The following WDFY3 variants were observed in gnomAD, a reference collection of about 807,000 sequenced individuals.
The protein encoded by WDFY3 is WD repeat and FYVE domain-containing protein 3.
A neutral mutation model predicts 409.6 loss-of-function variants in WDFY3; 66 were observed. That is an observed-to-expected ratio of 0.16 (90% CI 0.13 to 0.20). The LOEUF is 0.20. WDFY3 is among the 10% of genes least tolerant of loss of function. WDFY3 has a pLI of 1.00. For missense variants in WDFY3, 3,031 were observed against 4,298.1 expected (o/e 0.71, Z 8.24); for synonymous variants, 1,521 against 1,537.1 (o/e 0.99, Z 0.25).
intron 9 of WDFY3, among the ~76,000 whole-genome samples, chr4:84,827,567 A>G (rs1755036432): frequency 6.6e-6 from 1 of 152,190 alleles, no homozygotes; most frequent in Non-Finnish European, 1.5e-5. Context: ...CTTGTCTACA[A>G]GATTTGGATT....
chr4:84,888,050 C>G (rs1764457583), intron 3 of WDFY3, among the ~76,000 whole-genome samples: 1 of 152,174 alleles, frequency 6.6e-6, no homozygotes, highest in Admixed American at 6.5e-5. Context: ...CTTAGCATCT[C>G]TAGATACATC....
At chr4:84,863,657 T>C (rs1039369747) in intron 3 of WDFY3, among the ~76,000 whole-genome samples, 1 of 152,200 alleles carries the variant, frequency 6.6e-6, no homozygotes, top group African/African-American at 2.4e-5. Context: ...TGTTTTTACC[T>C]AGTAGCTTTT....
At chr4:84,854,525 G>A (rs1424944964) in intron 4 of WDFY3, among the ~76,000 whole-genome samples, 2 of 152,204 alleles carry the variant, frequency 1.3e-5, no homozygotes. Flanking sequence ...TTACATAAAT[G>A]TTTGCCAAAG....
chr4:84,830,224 T>G (rs774526116), intron 8 of WDFY3, among the ~76,000 whole-genome samples: 8 of 152,170 alleles, frequency 5.3e-5, no homozygotes, highest in Non-Finnish European at 1.0e-4. Flanking sequence ...CTCAACTTGA[T>G]GATTTGACTT....
intron 38 of WDFY3, among the ~76,000 whole-genome samples, chr4:84,741,321 T>G (rs1738379079): frequency 6.6e-6 from 1 of 151,916 alleles, no homozygotes; most frequent in Non-Finnish European, 1.5e-5. Flanking sequence ...ATTCAGTTTT[T>G]TTTTTTTTTT....
chr4:84,890,096 C>T (rs1003945073), intron 3 of WDFY3, among the ~76,000 whole-genome samples: 1 of 151,816 alleles, frequency 6.6e-6, no homozygotes, highest in African/African-American at 2.4e-5. Flanking sequence ...AACTTACTTG[C>T]CCCAGCTTTT....
intron 53 of WDFY3, among the ~76,000 whole-genome samples, chr4:84,708,572 G>C (rs1251424126): frequency 6.6e-6 from 1 of 150,398 alleles, no homozygotes; most frequent in Non-Finnish European, 1.5e-5. Flanking sequence ...AGTCTTGCTT[G>C]GTTGGTCACC....
At chr4:84,859,200 A>G (rs994712590) in intron 4 of WDFY3, among the ~76,000 whole-genome samples, 4 of 152,330 alleles carry the variant, frequency 2.6e-5, no homozygotes, top group African/African-American at 9.6e-5. Flanking sequence ...TAAAGGTAGT[A>G]TAGTATAAGG....
chr4:84,775,226 T>A, intron 27 of WDFY3, 88 bp from the exon 28 acceptor site: 1 of 1,005,458 alleles, frequency 9.9e-7, no homozygotes, highest in African/African-American at 1.6e-5. Context: ...CACATGGAAC[T>A]TATTTCACTT....
chr4:84,799,068 A>G (rs532537084), intron 17 of WDFY3, among the ~76,000 whole-genome samples: 1 of 152,158 alleles, frequency 6.6e-6, no homozygotes, highest in South Asian at 2.1e-4. Context: ...GGACCACCAT[A>G]TTTGTTTTTC....
At chr4:84,925,865 G>T (rs1482265878) in intron 2 of WDFY3, among the ~76,000 whole-genome samples, 1 of 151,830 alleles carries the variant, frequency 6.6e-6, no homozygotes, top group African/African-American at 2.4e-5. Context: ...GAATATATGT[G>T]GCAAAATGTT....
intron 23 of WDFY3, 116 bp downstream of exon 23, chr4:84,787,364 TAG>T: frequency 1.1e-6 from 1 of 922,516 alleles, no homozygotes; most frequent in Non-Finnish European, 1.6e-6. Context: ...TGAAGAAGAT[TAG>T]AGGAGAAGGC....
chr4:84,801,709 C>T lies in WDFY3; in HGVS notation c.2763G>A (p.Pro921=), dbSNP rs200201797. The T allele has an allele frequency of 2.4e-4, 387 of 1,612,444 alleles. 1 individual carries two copies. The highest frequency in any genetic ancestry group is 7.7e-5 in the South Asian group (7 of 91,004). Residue 921 remains proline (P), a synonymous_variant, in exon 17 of 68, where the codon CCG becomes CCA. Coordinates refer to ENST00000295888, the MANE Select transcript of WDFY3 (RefSeq NM_014991.6). ...ATCGTTCAAACATCCGCTGCAGGGG[C>T]GGGTGCAGTGAGTGGTCCTCATCAG... is the stretch of plus-strand genomic sequence containing the variant. ...ALADEDHSLH[P]PLQRMFERLA...
chr4:84,680,579 GA>G (rs1328217538), intron 64 of WDFY3, among the ~76,000 whole-genome samples: 3 of 152,172 alleles, frequency 2.0e-5, no homozygotes, highest in African/African-American at 7.2e-5. Flanking sequence ...CTACTGGAGG[GA>G]AAATGTATAA....
intron 4 of WDFY3, among the ~76,000 whole-genome samples, chr4:84,856,636 G>GA (rs965409330): frequency 3.3e-5 from 5 of 152,000 alleles, no homozygotes; most frequent in Admixed American, 6.6e-5. Flanking sequence ...ACCTGGCCCA[G>GA]AAAAAAGACT....
At position 84,831,465 on chromosome 4, in the gene WDFY3, G is replaced by A; in HGVS notation, c.717C>T (p.Leu239=). The A allele has an allele frequency of 6.2e-7, 1 of 1,613,992 alleles. No individual in the cohort carries two copies. The highest frequency in any genetic ancestry group is 8.5e-7 in the Non-Finnish European group (1 of 1,179,952). ...LPWRKSAGEV[L]MTISRHGLSV... ...TAAGACCATGACGAGATATGGTCAT[G>A]AGGACTTCTCCAGCACTCTTTCTCC... The change falls in exon 8 of 68, where the codon CTC becomes CTT. Residue 239 remains leucine (L), a synonymous_variant. Coordinates refer to ENST00000295888, the MANE Select transcript of WDFY3 (RefSeq NM_014991.6).
At chr4:84,926,566 T>G in intron 2 of WDFY3, among the ~76,000 whole-genome samples, 1 of 152,226 alleles carries the variant, frequency 6.6e-6, no homozygotes, top group East Asian at 1.9e-4. Flanking sequence ...TCAACACATG[T>G]TTTCTTTCTA....
At chr4:84,839,703 C>G (rs1039033623) in intron 6 of WDFY3, among the ~76,000 whole-genome samples, 2 of 151,666 alleles carry the variant, frequency 1.3e-5, no homozygotes, top group African/African-American at 4.8e-5. Context: ...ACCAAAAATA[C>G]AAAAATTAGC....
chr4:84,678,867 A>G, intron 65 of WDFY3, 52 bp downstream of exon 65: 1 of 1,541,090 alleles, frequency 6.5e-7, no homozygotes. Flanking sequence ...CAATCCACCA[A>G]CCCTCACACC....
Sources: allele counts gnomAD v4.1 joint callset (sites outside exome capture counted in the v4.1 genomes callset), GRCh38; gene constraint gnomAD v4.1.1; transcripts MANE v1.5; gene names NCBI Gene and HGNC (gene_info 2026-07-23, HGNC 2026-07-21).